The following VRK3 variants were observed in gnomAD, a reference collection of about 807,000 sequenced individuals.
The protein encoded by VRK3 is serine/threonine-protein kinase VRK3.
VRK3 carries 50 observed loss-of-function variants against 60.4 expected under a neutral mutation model. The observed-to-expected ratio is 0.83, with a 90% CI of 0.66 to 1.05. The LOEUF (loss-of-function observed/expected upper bound fraction) is 1.05, where lower values mean the gene tolerates loss of function less well. Ranked by LOEUF, VRK3 falls within the 50% of genes least tolerant of loss-of-function variation. The pLI, the probability that VRK3 is intolerant of heterozygous loss-of-function variation, is 0.00. For synonymous variants in VRK3, 246 were observed against 227.8 expected (o/e 1.08, Z -0.72); for missense variants, 549 against 585.3 (o/e 0.94, Z 0.64).
rs1343230209 is a variant in VRK3, at chr19:50,007,910, G to C, written c.290-84C>G. The C allele has an allele frequency of 5.2e-5, 81 of 1,560,536 alleles. 2 individuals carry two copies. In the South Asian group the frequency reaches 9.3e-4, roughly 18 times the overall value. On this transcript the variant is annotated intron_variant, in intron 4 of 14. Coordinates refer to ENST00000316763, the MANE Select transcript of VRK3 (RefSeq NM_016440.4). ...GGAGTGAAACAGCACGCAAAATACT[G>C]TTCCTTTACAAATTCGTTCATTCAA... is the stretch of plus-strand genomic sequence containing the variant.
At chr19:50,004,079 A>G (rs10411204) in intron 5 of VRK3, among the ~76,000 whole-genome samples, 7,981 of 152,208 alleles carry the variant, frequency 0.052, 686 homozygotes, top group African/African-American at 0.18. Flanking sequence ...GGAATGGATG[A>G]CTCACACAGG....
chr19:50,023,356 T>C (rs1478015300), intron 1 of VRK3, among the ~76,000 whole-genome samples: 1 of 152,250 alleles, frequency 6.6e-6, no homozygotes, highest in Non-Finnish European at 1.5e-5. Flanking sequence ...TGGCTAATTT[T>C]ATATTTTTAG....
At chr19:49,981,034 G>A in intron 12 of VRK3, 21 bp from the exon 13 acceptor site, 1 of 1,610,656 alleles carries the variant, frequency 6.2e-7, no homozygotes, top group Admixed American at 1.7e-5. Context: ...AGAAACACAT[G>A]TGAAAGGTCT....
chr19:49,981,271 G>C, intron 12 of VRK3: 1 of 507,658 alleles, frequency 2.0e-6, no homozygotes, highest in Non-Finnish European at 3.6e-6. Flanking sequence ...TTTTGGCCGG[G>C]CACAGTGGCT....
chr19:50,008,286 C>CA (rs1168811411), intron 4 of VRK3, among the ~76,000 whole-genome samples: 1 of 145,370 alleles, frequency 6.9e-6, no homozygotes, highest in Middle Eastern at 3.3e-3. Flanking sequence ...AGAAAAGGGC[C>CA]AAAAAATTTG....
At chr19:49,985,759 G>A (rs1038228761) in intron 12 of VRK3, among the ~76,000 whole-genome samples, 1 of 152,188 alleles carries the variant, frequency 6.6e-6, no homozygotes, top group African/African-American at 2.4e-5. Flanking sequence ...TCTAGCACAT[G>A]GCAAGGGTTC....
intron 13 of VRK3, among the ~76,000 whole-genome samples, chr19:49,979,541 G>C (rs2076388496): frequency 6.6e-6 from 1 of 152,182 alleles, no homozygotes; most frequent in Admixed American, 6.5e-5. Context: ...CCCCTGGCCT[G>C]CAGTGTTTTA....
At chr19:50,018,759 CCT>C (rs1271417770) in intron 2 of VRK3, among the ~76,000 whole-genome samples, 1 of 151,940 alleles carries the variant, frequency 6.6e-6, no homozygotes, top group Non-Finnish European at 1.5e-5. Context: ...GGTCTCACTG[CCT>C]CTTCCCTCTC....
intron 6 of VRK3, chr19:49,998,948 GAAAAAAAAAAAAA>G (rs60205284): frequency 8.4e-5 from 3 of 35,600 alleles, no homozygotes; most frequent in Non-Finnish European, 1.7e-4. Flanking sequence ...ATCTCTACCA[GAAAAAAAAAAAAA>G]AAAAAAAAAA....
intron 5 of VRK3, among the ~76,000 whole-genome samples, chr19:50,002,863 GGC>G (rs1381959216): frequency 6.6e-6 from 1 of 152,182 alleles, no homozygotes; most frequent in African/African-American, 2.4e-5. Context: ...TGAAGACCAG[GGC>G]GTGGCATGCA....
intron 5 of VRK3, among the ~76,000 whole-genome samples, chr19:50,002,130 G>A (rs532573774): frequency 2.6e-4 from 40 of 152,198 alleles, no homozygotes; most frequent in Admixed American, 2.2e-3. Context: ...CTTGTCGCCC[G>A]CACACCTGAC....
intron 3 of VRK3, chr19:50,015,606 G>A (rs1031402109): frequency 1.2e-4 from 20 of 173,010 alleles, no homozygotes; most frequent in African/African-American, 4.0e-4. Context: ...ACTGTGCCCA[G>A]CCAGATTTCA....
At chr19:49,984,992 TCA>T (rs1330055332) in intron 12 of VRK3, among the ~76,000 whole-genome samples, 1 of 152,116 alleles carries the variant, frequency 6.6e-6, no homozygotes, top group Non-Finnish European at 1.5e-5. Flanking sequence ...TGTGTGTGTG[TCA>T]CAGGGAATTG....
rs75485556 is a variant in VRK3, at chr19:50,013,741, G to A, written c.139+2283C>T. 5.2e-3 allele frequency among the ~76,000 whole-genome samples: 799 copies of A among 152,290 alleles called. 5 individuals carry two copies. Among genetic ancestry groups the A allele is most frequent in the African/African-American group, 0.017 (716 of 41,552 alleles). On this transcript the variant is annotated intron_variant, in intron 3 of 14. Transcript: ENST00000316763. ...AGACCCAGGTGCTGTGCAAACAGCA[G>A]GTTACAAAACCACAATCAACACAGG...
chr19:49,996,690 C>T (rs11883108), intron 7 of VRK3, among the ~76,000 whole-genome samples: 7,975 of 152,246 alleles, frequency 0.052, 690 homozygotes, highest in African/African-American at 0.18. Flanking sequence ...GATCTCGGCT[C>T]ACTGCAACCT....
chr19:49,989,593 T>C (rs377400400), intron 11 of VRK3, 46 bp downstream of exon 11: 43 of 1,568,456 alleles, frequency 2.7e-5, no homozygotes, highest in Non-Finnish European at 3.6e-5. Context: ...TGCCCTTGTA[T>C]AAGAAGCATC....
In VRK3 at chr19:49,979,164, T is replaced by C. The variant is rs757175406; in HGVS notation, c.1355A>G (p.Asn452Ser). 12 of 1,613,878 alleles carry C rather than the reference T, an allele frequency of 7.4e-6. No individual in the cohort carries two copies. The highest frequency in any genetic ancestry group is 5.3e-5 in the African/African-American group (4 of 74,882). ...EKPPYAMLRN[N>S]LEALLQDLRV... ...CAGATCCTGCAGCAAAGCTTCTAGGTTGTTCCTCAGCATGGCGTAGGGCGG... is the reference window on the plus strand; with the variant it reads ...CAGATCCTGCAGCAAAGCTTCTAGGCTGTTCCTCAGCATGGCGTAGGGCGG... Residue 452 changes from asparagine to serine, a missense_variant, in exon 14 of 15, where the codon AAC becomes AGC. Transcript: ENST00000316763.
At position 49,985,531 on chromosome 19, in the gene VRK3, C is replaced by T. The variant is rs550611676; in HGVS notation, c.1217+2841G>A. 7.9e-5 allele frequency among the ~76,000 whole-genome samples: 12 copies of T among 152,288 alleles called. No homozygotes were observed. In the South Asian group the frequency reaches 2.5e-3, roughly 32 times the overall value. The stretch of plus-strand genomic sequence containing the variant: ...TTACCTGTTACCATCGCTGCGAGAC[C>T]TGCCCCTGACATTAGACCTACAAGT... On this transcript the variant is annotated intron_variant, in intron 12 of 14. Coordinates refer to ENST00000316763, the MANE Select transcript of VRK3 (RefSeq NM_016440.4).
intron 1 of VRK3, among the ~76,000 whole-genome samples, chr19:50,022,206 G>A (rs1408477173): frequency 6.6e-6 from 1 of 152,236 alleles, no homozygotes; most frequent in South Asian, 2.1e-4. Context: ...ACGCAAAACC[G>A]GACTGGGTTC....
Sources: gnomAD v4.1 joint callset for allele counts (sites outside exome capture counted in the v4.1 genomes callset) on GRCh38, gnomAD v4.1.1 for gene constraint, MANE v1.5 for transcripts, NCBI Gene and HGNC (gene_info 2026-07-23, HGNC 2026-07-21) for gene names.